IFI44: variants seen among roughly 807,000 people sequenced by gnomAD.
IFI44 encodes the protein interferon induced protein 44.
A neutral mutation model predicts 45.0 loss-of-function variants in IFI44; 42 were observed. That is an observed-to-expected ratio of 0.93 (90% CI 0.73 to 1.21). IFI44 has a LOEUF of 1.21. Ranked by LOEUF, IFI44 falls within the 50% of genes most tolerant of loss-of-function variation. IFI44 has a pLI of 0.00. For missense variants in IFI44, 623 were observed against 525.8 expected (o/e 1.18, Z -1.81); for synonymous variants, 221 against 188.6 (o/e 1.17, Z -1.41).
At chr1:78,662,578 C>T (rs1387007877) in intron 7 of IFI44, 126 bp from the exon 8 acceptor site, 23 of 694,024 alleles carry the variant, frequency 3.3e-5, no homozygotes, top group Non-Finnish European at 4.8e-5. Flanking sequence ...GAGACCAGAT[C>T]TCCATTTTTT....
chr1:78,660,784 C>T (rs1647406277), intron 7 of IFI44, 130 bp downstream of exon 7: 2 of 709,632 alleles, frequency 2.8e-6, no homozygotes, highest in African/African-American at 1.8e-5. Context: ...TAAATAGGGC[C>T]CGTTTCCCAA....
chr1:78,650,058 C>T, intron 1 of IFI44, 128 bp from the exon 2 acceptor site: 2 of 500,082 alleles, frequency 4.0e-6, no homozygotes, highest in Non-Finnish European at 3.3e-6. Flanking sequence ...TTTTTGCTTT[C>T]TGTTCATCCT....
intron 2 of IFI44, among the ~76,000 whole-genome samples, chr1:78,651,104 G>A (rs974931256): frequency 6.6e-6 from 1 of 152,160 alleles, no homozygotes; most frequent in African/African-American, 2.4e-5. Context: ...AACCTTTTTG[G>A]CACCAGGGAC....
chr1:78,661,736 A>G (rs571156566), intron 7 of IFI44, among the ~76,000 whole-genome samples: 34 of 152,300 alleles, frequency 2.2e-4, no homozygotes, highest in Non-Finnish European at 4.1e-4. Flanking sequence ...GAAGGAAAGT[A>G]TAGTGTTAAA....
chr1:78,650,883 C>T (rs1001463717), intron 2 of IFI44, among the ~76,000 whole-genome samples: 4 of 152,172 alleles, frequency 2.6e-5, no homozygotes, highest in Admixed American at 2.6e-4. Context: ...ATTTTAAGTA[C>T]AGTAAATCTT....
chr1:78,661,815 C>T (rs1191035022), intron 7 of IFI44, among the ~76,000 whole-genome samples: 1 of 151,694 alleles, frequency 6.6e-6, no homozygotes, highest in Non-Finnish European at 1.5e-5. Context: ...AAATATTTCA[C>T]AAAATGAAGA....
At position 78,662,776 on chromosome 1, in the gene IFI44, T is replaced by A; in HGVS notation, c.1186T>A (p.Trp396Arg). The A allele has an allele frequency of 6.2e-7, 1 of 1,613,808 alleles. No homozygotes were observed. Among genetic ancestry groups the A allele is most frequent in the Non-Finnish European group, 8.5e-7 (1 of 1,179,864 alleles). Residue 396 changes from tryptophan to arginine, a missense_variant, in exon 8 of 9, where the codon TGG becomes AGG. Trp to Arg is a moderately radical substitution (Grantham distance 101). Coordinates refer to ENST00000370747, the MANE Select transcript of IFI44 (RefSeq NM_006417.5). ...GGTGGTTAGCAATTATTCCTCTGAG[T>A]GGGAGCTGGACCCTGTAAAGGATGT... is the stretch of plus-strand genomic sequence containing the variant. Reference protein sequence around the residue: ...ISVVSNYSSEWELDPVKDVLI... With the variant: ...ISVVSNYSSERELDPVKDVLI...
Position 78,654,367 on chromosome 1 carries a change from ATAT to A in IFI44, c.494+92_494+94del. 4.3e-6 allele frequency: 3 copies of A among 695,690 alleles called. No homozygotes were observed. The Admixed American group carries it at 7.4e-5, about 17-fold the overall frequency. The allele number at this position is 695,690 out of a possible 1,614,324, so 43.1% of individuals were successfully genotyped here. A position where few individuals can be genotyped will look rare whatever the true frequency, so the allele number is the denominator to read the frequency against. Reference sequence around the variant, plus strand: ...GTCTCATCAATATAATTGGCAACACATATTATCACACATAACTTGTGGATCATC... The same window carrying A: ...GTCTCATCAATATAATTGGCAACACATATCACACATAACTTGTGGATCATC... On this transcript the variant is annotated intron_variant, in intron 3 of 8. Coordinates refer to ENST00000370747, the MANE Select transcript of IFI44 (RefSeq NM_006417.5).
rs769663199 is a variant in IFI44 at position 78,655,499 on chromosome 1, T to C, written c.828T>C (p.Arg276=). Residue 276 remains arginine, a synonymous_variant, in exon 5 of 9, where the codon CGT becomes CGC. Coordinates refer to ENST00000370747, the MANE Select transcript of IFI44 (RefSeq NM_006417.5). ...DIFYILNGNI[R]DRYQFNPMES... is the part of the protein sequence containing the mutation. ...TCTATATCTTGAACGGTAACATTCGTGATAGATACCAGGTAATATTTGACT... is the reference window on the plus strand; with the variant it reads ...TCTATATCTTGAACGGTAACATTCGCGATAGATACCAGGTAATATTTGACT... 2 of 1,608,026 alleles carry C rather than the reference T, an allele frequency of 1.2e-6. No homozygotes were observed. The highest frequency in any genetic ancestry group is 2.2e-5 in the South Asian group (2 of 89,262).
intron 8 of IFI44, chr1:78,663,356 T>C: frequency 1.0e-6 from 1 of 985,376 alleles, no homozygotes; most frequent in Non-Finnish European, 1.2e-6. Context: ...TGCAGTATGG[T>C]CATTGCTAGG....
intron 1 of IFI44, 115 bp from the exon 2 acceptor site, chr1:78,650,068 TTTG>T: frequency 1.8e-6 from 1 of 545,152 alleles, no homozygotes; most frequent in Non-Finnish European, 3.0e-6. Context: ...CTGTTCATCC[TTTG>T]TTTTGTCATT....
At chr1:78,654,989 G>T in intron 3 of IFI44, 25 bp from the exon 4 acceptor site, 1 of 1,511,594 alleles carries the variant, frequency 6.6e-7, no homozygotes, top group South Asian at 1.3e-5. Context: ...TCAGTCAATT[G>T]TTAAAAACGG....
intron 7 of IFI44, 172 bp downstream of exon 7, chr1:78,660,826 T>TG (rs1343937201): frequency 1.6e-5 from 10 of 629,210 alleles, no homozygotes; most frequent in Non-Finnish European, 2.6e-5. Context: ...TGTTCCTTGG[T>TG]ATTTGCAGGG....
At chr1:78,662,059 T>C (rs1647489555) in intron 7 of IFI44, among the ~76,000 whole-genome samples, 1 of 152,190 alleles carries the variant, frequency 6.6e-6, no homozygotes, top group African/African-American at 2.4e-5. Context: ...AGTTATGATC[T>C]TCAGAAAAAT....
At position 78,659,344 on chromosome 1, in the gene IFI44, T is replaced by C. The variant is rs1462880739; in HGVS notation, c.873T>C (p.His291=). Residue 291 remains histidine (H), a synonymous_variant, in exon 6 of 9, where the codon CAT becomes CAC. Coordinates refer to ENST00000370747, the MANE Select transcript of IFI44 (RefSeq NM_006417.5). ...FNPMESIKLN[H]HDYIDSPSLK... is the part of the protein sequence containing the mutation. ...CCATGGAATCAATCAAATTAAATCATCATGACTACATTGATTCCCCATCGC... is the reference window on the plus strand; with the variant it reads ...CCATGGAATCAATCAAATTAAATCACCATGACTACATTGATTCCCCATCGC... The C allele has an allele frequency of 8.7e-6, 14 of 1,613,124 alleles. No individual in the cohort carries two copies. The highest frequency in any genetic ancestry group is 1.2e-5 in the Non-Finnish European group (14 of 1,179,202).
chr1:78,663,061 A>T, intron 8 of IFI44, 183 bp downstream of exon 8: 1 of 1,455,036 alleles, frequency 6.9e-7, no homozygotes, highest in Non-Finnish European at 9.1e-7. Flanking sequence ...CTTTTCCTGG[A>T]GTTCATACTA....
chr1:78,651,872 C>T (rs765818555), intron 2 of IFI44, among the ~76,000 whole-genome samples: 1 of 152,008 alleles, frequency 6.6e-6, no homozygotes, highest in Non-Finnish European at 1.5e-5. Context: ...AAGATAGAGG[C>T]AAGCAGAAAC....
In IFI44 at chr1:78,650,314, T is replaced by A; in HGVS notation, c.119T>A (p.Leu40Ter). 6.2e-7 allele frequency: 1 copy of A among 1,614,104 alleles called. No individual in the cohort carries two copies. Residue 40 changes from leucine (L) to a stop codon, truncating the protein, a stop_gained, in exon 2 of 9, where the codon TTG becomes TAG. Coordinates refer to ENST00000370747, the MANE Select transcript of IFI44 (RefSeq NM_006417.5). LOFTEE classifies it high-confidence loss of function. Reference sequence around the variant, plus strand: ...GTCCATGGATTCCGTAATGGAGTTTTGCTTGACAGATGTTGTAATCAAGGG... The same window carrying A: ...GTCCATGGATTCCGTAATGGAGTTTAGCTTGACAGATGTTGTAATCAAGGG... ...GSVHGFRNGVLLDRCCNQGPT... is the reference protein window; with the variant it reads ...GSVHGFRNGV
chr1:78,663,223 T>A (rs1195913416), intron 8 of IFI44: 2 of 985,234 alleles, frequency 2.0e-6, no homozygotes, highest in Middle Eastern at 5.2e-4. Context: ...AGAACTGGAT[T>A]GGATTGGCAT....
Sources: allele counts gnomAD v4.1 joint callset (sites outside exome capture counted in the v4.1 genomes callset), GRCh38; gene constraint gnomAD v4.1.1; transcripts MANE v1.5; gene names NCBI Gene and HGNC (gene_info 2026-07-23, HGNC 2026-07-21).